Variants in ENTREP2 observed in about 807,000 individuals in gnomAD.
ENTREP2 encodes the protein endosomal transmembrane epsin interactor 2.
the ENTREP2 span, among the ~76,000 whole-genome samples, chr15:29,496,530 A>G: frequency 4.2e-4 from 64 of 152,230 alleles, no homozygotes; most frequent in African/African-American, 1.5e-3. Context: ...TCAACCATTT[A>G]TGGTTGACTA....
chr15:29,457,521 G>A, the ENTREP2 span, among the ~76,000 whole-genome samples: 21 of 152,154 alleles, frequency 1.4e-4, no homozygotes, highest in African/African-American at 4.6e-4. Flanking sequence ...GGGGCATCAC[G>A]AGAGACAGGT....
At chr15:29,262,250 C>T in the ENTREP2 span, among the ~76,000 whole-genome samples, 1 of 152,120 alleles carries the variant, frequency 6.6e-6, no homozygotes, top group African/African-American at 2.4e-5. Flanking sequence ...TTCTTTAGGC[C>T]TCAGGCAACA....
the ENTREP2 span, among the ~76,000 whole-genome samples, chr15:29,439,334 A>ACACAC: frequency 3.0e-5 from 3 of 99,768 alleles, no homozygotes; most frequent in Non-Finnish European, 6.2e-5. Context: ...CACACACACA[A>ACACAC]ACAGTAGAGG....
At chr15:29,532,125 C>T in the ENTREP2 span, among the ~76,000 whole-genome samples, 7 of 152,134 alleles carry the variant, frequency 4.6e-5, no homozygotes, top group East Asian at 1.9e-4. Flanking sequence ...CTCCTCCTAT[C>T]GAACTGAAAT....
chr15:29,211,315 A>G, the ENTREP2 span, among the ~76,000 whole-genome samples: 1 of 151,850 alleles, frequency 6.6e-6, no homozygotes, highest in Non-Finnish European at 1.5e-5. Context: ...GCACTCAACC[A>G]CCTCTCAGAC....
At chr15:29,360,953 A>C in the ENTREP2 span, among the ~76,000 whole-genome samples, 1 of 152,194 alleles carries the variant, frequency 6.6e-6, no homozygotes, top group Non-Finnish European at 1.5e-5. Flanking sequence ...GCTGGAGAGA[A>C]GACTCAACAA....
At chr15:29,333,721 C>T in the ENTREP2 span, among the ~76,000 whole-genome samples, 1 of 152,008 alleles carries the variant, frequency 6.6e-6, no homozygotes, top group Non-Finnish European at 1.5e-5. Flanking sequence ...CTGTCCTTCC[C>T]CCAAAATTCA....
chr15:29,244,741 A>T, the ENTREP2 span, among the ~76,000 whole-genome samples: 79,737 of 152,098 alleles, frequency 0.52, 21,835 homozygotes, highest in South Asian at 0.62. Context: ...CATGTGGGTG[A>T]GAGGGAAATG....
chr15:29,247,693 C>T, the ENTREP2 span, among the ~76,000 whole-genome samples: 21 of 152,144 alleles, frequency 1.4e-4, no homozygotes, highest in Admixed American at 8.5e-4. Flanking sequence ...GCTTCCCTCC[C>T]CCAACCCTGC....
At chr15:29,381,887 A>G in the ENTREP2 span, 6 of 1,481,338 alleles carry the variant, frequency 4.1e-6, no homozygotes, top group East Asian at 1.5e-4. Context: ...TGCATGGGCA[A>G]TCAAAACACT....
chr15:29,341,624 A>G, the ENTREP2 span, among the ~76,000 whole-genome samples: 15 of 152,256 alleles, frequency 9.9e-5, no homozygotes, highest in Admixed American at 9.8e-4. Flanking sequence ...TGAAAGTCAG[A>G]GTCAAAAGGG....
the ENTREP2 span, among the ~76,000 whole-genome samples, chr15:29,594,209 T>C: frequency 6.6e-6 from 1 of 152,148 alleles, no homozygotes; most frequent in Non-Finnish European, 1.5e-5. Flanking sequence ...CTGAAACAGA[T>C]AGGGAGGATA....
the ENTREP2 span, among the ~76,000 whole-genome samples, chr15:29,326,078 G>A: frequency 1.3e-5 from 2 of 152,026 alleles, no homozygotes; most frequent in African/African-American, 4.8e-5. Flanking sequence ...GAACAAAGAT[G>A]ATCTTCCTCA....
chr15:29,418,407 G>A, the ENTREP2 span, among the ~76,000 whole-genome samples: 18 of 152,252 alleles, frequency 1.2e-4, no homozygotes, highest in South Asian at 3.5e-3. Flanking sequence ...CCTCCGTGCA[G>A]AGTACAGAAG....
chr15:29,643,204 GGACAACA>G, the ENTREP2 span, among the ~76,000 whole-genome samples: 3 of 152,148 alleles, frequency 2.0e-5, no homozygotes, highest in East Asian at 5.8e-4. Flanking sequence ...GTATTTCAAA[GGACAACA>G]TTAAGGTAGT....
At chr15:29,405,855 C>T in the ENTREP2 span, among the ~76,000 whole-genome samples, 1 of 152,240 alleles carries the variant, frequency 6.6e-6, no homozygotes, top group African/African-American at 2.4e-5. Context: ...GCTTCACAGC[C>T]CCACGGAGGC....
the ENTREP2 span, chr15:29,195,256 C>T: frequency 2.1e-4 from 202 of 985,336 alleles, 1 homozygote; most frequent in South Asian, 3.3e-3. Flanking sequence ...GTGAGCCAGG[C>T]GTAGTCCTAC....
chr15:29,518,878 G>A, the ENTREP2 span, among the ~76,000 whole-genome samples: 1 of 152,172 alleles, frequency 6.6e-6, no homozygotes, highest in Non-Finnish European at 1.5e-5. Flanking sequence ...AGATGACAAG[G>A]ACAACAGAGA....
At chr15:29,652,275 C>T in the ENTREP2 span, among the ~76,000 whole-genome samples, 1 of 152,138 alleles carries the variant, frequency 6.6e-6, no homozygotes, top group Non-Finnish European at 1.5e-5. Context: ...CTCCTCTCTG[C>T]TGAGGGCTGA....
Sources: gnomAD v4.1 joint callset for allele counts (sites outside exome capture counted in the v4.1 genomes callset) on GRCh38, gnomAD v4.1.1 for gene constraint, MANE v1.5 for transcripts, NCBI Gene and HGNC (gene_info 2026-07-23, HGNC 2026-07-21) for gene names.